The following TAF4B variants were observed in gnomAD, a reference collection of about 807,000 sequenced individuals.
TAF4B encodes TATA-box binding protein associated factor 4b.
In TAF4B, 38 loss-of-function variants were observed where a neutral mutation model predicts 86.4. The ratio of observed to expected loss-of-function variants is 0.44; its 90% confidence interval spans 0.34 to 0.58. The LOEUF is 0.58. TAF4B is among the 20% of genes least tolerant of loss of function. The probability of loss-of-function intolerance (pLI) is 0.02; values close to 1 mark genes in which losing one functional copy is unlikely to be tolerated. For synonymous variants in TAF4B, 388 were observed against 391.2 expected (o/e 0.99, Z 0.10); for missense variants, 988 against 1,027.6 (o/e 0.96, Z 0.53).
intron 13 of TAF4B, among the ~76,000 whole-genome samples, chr18:26,337,001 T>C (rs898518754): frequency 6.6e-6 from 1 of 152,192 alleles, no homozygotes; most frequent in Non-Finnish European, 1.5e-5. Flanking sequence ...TTCAAAGAAA[T>C]CTGTGAGAGG....
rs530717957 is a variant in TAF4B at position 26,329,778 on chromosome 18, A to G, written c.2259+2638A>G. Among the ~76,000 whole-genome samples the G allele has an allele frequency of 9.2e-5, 14 of 152,194 alleles. No homozygotes were observed. The South Asian group carries it at 2.7e-3, about 29-fold the overall frequency. The stretch of plus-strand genomic sequence containing the variant: ...ATATTGGTACCTACTAGTTCTCTCC[A>G]TTTTAAACTTGCCATCTCCCCCACT... On this transcript the variant is annotated intron_variant, in intron 12 of 14. Transcript: ENST00000269142.
At chr18:26,370,521 C>T (rs569983455) in intron 14 of TAF4B, among the ~76,000 whole-genome samples, 3 of 152,278 alleles carry the variant, frequency 2.0e-5, no homozygotes, top group African/African-American at 7.2e-5. Flanking sequence ...TATTGACTTC[C>T]CTTAAGGAAG....
At chr18:26,382,920 G>A (rs1198579844) in intron 14 of TAF4B, among the ~76,000 whole-genome samples, 1 of 152,204 alleles carries the variant, frequency 6.6e-6, no homozygotes, top group East Asian at 1.9e-4. Context: ...GGGTAAGTTT[G>A]TGTTTGTAGG....
In TAF4B at chr18:26,226,485, C is replaced by T. The variant is rs532484026; in HGVS notation, c.-449C>T. The T allele has an allele frequency of 2.9e-4, 45 of 153,324 alleles. No homozygotes were observed. The East Asian group carries it at 3.3e-3, about 11-fold the overall frequency. 9.5% of individuals were successfully genotyped at this position (153,324 alleles called of 1,614,324 possible). A position where few individuals can be genotyped will look rare whatever the true frequency, so the allele number is the denominator to read the frequency against. ...TGGCTGGCGTGGCCGCGCGGCGGGG[C>T]CGTGCCAATCGCGCGTAGGGGGCTG... On this transcript the variant is annotated 5_prime_UTR_variant, in exon 1 of 15. Coordinates refer to ENST00000269142, the MANE Select transcript of TAF4B (RefSeq NM_005640.3).
chr18:26,318,118 A>G (rs2056930140), intron 10 of TAF4B, among the ~76,000 whole-genome samples: 1 of 152,136 alleles, frequency 6.6e-6, no homozygotes, highest in Admixed American at 6.6e-5. Context: ...CTGCAGCCCT[A>G]ACTTCCCAGG....
chr18:26,300,438 A>T (rs1020683503), intron 9 of TAF4B, among the ~76,000 whole-genome samples: 2 of 147,560 alleles, frequency 1.4e-5, no homozygotes, highest in African/African-American at 5.0e-5. Context: ...CTAAATACTG[A>T]TTTAGCACCC....
At chr18:26,346,907 G>GTATATATATATGTGTGTGTATA (rs2057202782) in intron 13 of TAF4B, among the ~76,000 whole-genome samples, 3 of 11,220 alleles carry the variant, frequency 2.7e-4, no homozygotes, top group African/African-American at 5.5e-4. Flanking sequence ...ATATGTGTGT[G>GTATATATATATGTGTGTGTATA]TATATATATA....
chr18:26,246,843 CTTTT>C (rs937816294), intron 1 of TAF4B, among the ~76,000 whole-genome samples: 6 of 148,554 alleles, frequency 4.0e-5, no homozygotes, highest in African/African-American at 1.5e-4. Context: ...TAATCTCATT[CTTTT>C]TTTTTTCTTT....
chr18:26,294,911 A>G (rs867643837), intron 9 of TAF4B, among the ~76,000 whole-genome samples: 38 of 150,238 alleles, frequency 2.5e-4, no homozygotes, highest in Admixed American at 2.3e-3. Context: ...TAGATAACAC[A>G]TGAAAAGAGT....
intron 14 of TAF4B, among the ~76,000 whole-genome samples, chr18:26,376,729 G>A (rs571327147): frequency 6.6e-6 from 1 of 152,138 alleles, no homozygotes; most frequent in South Asian, 2.1e-4. Context: ...AGAAATGGTG[G>A]AGCAGACATC....
chr18:26,348,594 C>T (rs2057219605), intron 13 of TAF4B: 1 of 154,438 alleles, frequency 6.5e-6, no homozygotes, highest in Non-Finnish European at 1.5e-5. Flanking sequence ...ATACCTCCAT[C>T]CATACTGGAG....
chr18:26,347,225 A>G (rs929800397), intron 13 of TAF4B, among the ~76,000 whole-genome samples: 1 of 151,902 alleles, frequency 6.6e-6, no homozygotes, highest in Admixed American at 6.6e-5. Context: ...CGGCCCAGCC[A>G]AGAATATTAT....
intron 1 of TAF4B, among the ~76,000 whole-genome samples, chr18:26,228,787 C>G (rs921995871): frequency 1.3e-5 from 2 of 152,068 alleles, no homozygotes; most frequent in African/African-American, 4.8e-5. Flanking sequence ...CCCAACCCCC[C>G]AAAGAAAGAA....
At chr18:26,325,248 T>C (rs1248222141) in intron 11 of TAF4B, among the ~76,000 whole-genome samples, 2 of 152,216 alleles carry the variant, frequency 1.3e-5, no homozygotes, top group South Asian at 4.1e-4. Context: ...TGTTTTCCAG[T>C]TGAAAGGTGC....
chr18:26,259,601 A>G (rs2056135972), intron 1 of TAF4B, among the ~76,000 whole-genome samples: 1 of 152,166 alleles, frequency 6.6e-6, no homozygotes, highest in African/African-American at 2.4e-5. Flanking sequence ...TGTCCCTACA[A>G]AGGACATGAG....
intron 3 of TAF4B, among the ~76,000 whole-genome samples, chr18:26,270,910 C>T (rs559769009): frequency 2.0e-5 from 3 of 152,236 alleles, no homozygotes; most frequent in South Asian, 2.1e-4. Context: ...TATGTTTCCT[C>T]GTGTTTGTAG....
intron 9 of TAF4B, among the ~76,000 whole-genome samples, chr18:26,302,146 T>G (rs1041530954): frequency 6.6e-6 from 1 of 152,150 alleles, no homozygotes; most frequent in Admixed American, 6.5e-5. Flanking sequence ...TCCTTTTTAA[T>G]TCTTTATACT....
At chr18:26,340,617 A>G (rs2057128509) in intron 13 of TAF4B, among the ~76,000 whole-genome samples, 1 of 152,198 alleles carries the variant, frequency 6.6e-6, no homozygotes, top group Non-Finnish European at 1.5e-5. Flanking sequence ...ACTAGGTCCC[A>G]CAACCAGAGT....
intron 13 of TAF4B, among the ~76,000 whole-genome samples, chr18:26,344,900 T>G (rs1037291018): frequency 1.3e-5 from 2 of 152,178 alleles, no homozygotes; most frequent in Non-Finnish European, 2.9e-5. Context: ...CAGTCCTGTC[T>G]TCCCCACCTG....
Sources: allele counts gnomAD v4.1 joint callset (sites outside exome capture counted in the v4.1 genomes callset), GRCh38; gene constraint gnomAD v4.1.1; transcripts MANE v1.5; gene names NCBI Gene and HGNC (gene_info 2026-07-23, HGNC 2026-07-21).